The following ZFPM2 variants were observed in gnomAD, a reference collection of about 807,000 sequenced individuals.
The protein encoded by ZFPM2 is zinc finger protein, FOG family member 2.
ZFPM2 carries 20 observed loss-of-function variants against 98.6 expected under a neutral mutation model. That is an observed-to-expected ratio of 0.20 (90% CI 0.14 to 0.29). The LOEUF is 0.29. Among genes scored for constraint, ZFPM2 ranks in the 10% least tolerant of loss-of-function variants. ZFPM2 has a pLI of 1.00. For synonymous variants in ZFPM2, 518 were observed against 502.7 expected (o/e 1.03, Z -0.41); for missense variants, 1,310 against 1,388.6 (o/e 0.94, Z 0.90).
intron 3 of ZFPM2, among the ~76,000 whole-genome samples, chr8:105,540,735 C>T (rs1814558641): frequency 6.6e-6 from 1 of 152,038 alleles, no homozygotes; most frequent in African/African-American, 2.4e-5. Context: ...CAGCAGACTG[C>T]ATTGTCTCTC....
intron 5 of ZFPM2, chr8:105,784,779 T>C (rs1225159204): frequency 7.0e-6 from 1 of 143,492 alleles, no homozygotes; most frequent in African/African-American, 2.9e-5. Context: ...CCTGGTTCCA[T>C]TGCCCAAACA....
intron 2 of ZFPM2, among the ~76,000 whole-genome samples, chr8:105,426,618 T>G (rs1010651892): frequency 5.9e-5 from 9 of 152,080 alleles, no homozygotes; most frequent in Non-Finnish European, 1.2e-4. Flanking sequence ...CCATGCAAAA[T>G]GAGAAGTAAT....
intron 4 of ZFPM2, among the ~76,000 whole-genome samples, chr8:105,562,447 C>T (rs1815159977): frequency 6.6e-6 from 1 of 152,146 alleles, no homozygotes; most frequent in Admixed American, 6.6e-5. Context: ...TCACCACAAA[C>T]TTTGTGCCTT....
intron 3 of ZFPM2, among the ~76,000 whole-genome samples, chr8:105,455,073 C>T (rs1027102989): frequency 1.3e-5 from 2 of 152,122 alleles, no homozygotes; most frequent in African/African-American, 4.8e-5. Context: ...TGAGTGCTGA[C>T]ATGGTGTTCA....
chr8:105,705,388 T>C (rs1204242760), intron 5 of ZFPM2, among the ~76,000 whole-genome samples: 1 of 152,150 alleles, frequency 6.6e-6, no homozygotes, highest in African/African-American at 2.4e-5. Context: ...CAGGACCTTA[T>C]TTCTGTTGGG....
At chr8:105,393,450 A>G (rs954478486) in intron 1 of ZFPM2, among the ~76,000 whole-genome samples, 2 of 151,226 alleles carry the variant, frequency 1.3e-5, no homozygotes, top group African/African-American at 4.9e-5. Flanking sequence ...AGGTTTTGAG[A>G]TACCTAAAAA....
At chr8:105,622,795 A>C (rs567672744) in intron 4 of ZFPM2, among the ~76,000 whole-genome samples, 114 of 152,300 alleles carry the variant, frequency 7.5e-4, no homozygotes, top group Non-Finnish European at 1.4e-3. Context: ...GTCCTTCTGC[A>C]TCTGTTGATT....
At chr8:105,549,599 A>ATCTCTC (rs368339123) in intron 3 of ZFPM2, among the ~76,000 whole-genome samples, 10 of 77,824 alleles carry the variant, frequency 1.3e-4, no homozygotes, top group African/African-American at 4.9e-4. Context: ...TCCTTCCTCT[A>ATCTCTC]TCTCTCTCTC....
chr8:105,527,058 A>G (rs1814189657), intron 3 of ZFPM2, among the ~76,000 whole-genome samples: 1 of 152,156 alleles, frequency 6.6e-6, no homozygotes, highest in East Asian at 1.9e-4. Flanking sequence ...TGCAAATTGC[A>G]TAGAACAGTG....
chr8:105,635,041 C>T (rs1360468109), intron 5 of ZFPM2, among the ~76,000 whole-genome samples: 1 of 152,156 alleles, frequency 6.6e-6, no homozygotes, highest in African/African-American at 2.4e-5. Context: ...ACCTTCCTCA[C>T]GTGTGGTGTA....
intron 3 of ZFPM2, among the ~76,000 whole-genome samples, chr8:105,509,459 CA>C (rs1813770116): frequency 6.6e-6 from 1 of 152,088 alleles, no homozygotes; most frequent in South Asian, 2.1e-4. Flanking sequence ...GATATGGTGC[CA>C]GGGGGAATTG....
In ZFPM2 at chr8:105,561,423, C is replaced by T. The variant is rs1815133329; in HGVS notation, c.362C>T (p.Pro121Leu). 1 of 1,613,474 alleles carries T rather than the reference C, an allele frequency of 6.2e-7. No individual in the cohort carries two copies. Among genetic ancestry groups the T allele is most frequent in the East Asian group, 2.2e-5 (1 of 44,822 alleles). ...ERKIQSRQQLPVGTTWGPFPG... is the reference protein window; with the variant it reads ...ERKIQSRQQLLVGTTWGPFPG... Reference sequence around the variant, plus strand: ...AAAATTCAGAGTCGACAGCAACTTCCAGTGGGAACAACCTGGGGGCCGTTT... The same window carrying T: ...AAAATTCAGAGTCGACAGCAACTTCTAGTGGGAACAACCTGGGGGCCGTTT... The change falls in exon 4 of 8, where the codon CCA (proline) becomes CTA (leucine). Residue 121 changes from proline (P) to leucine (L), a missense_variant. Physicochemically the swap from Pro to Leu is moderately conservative, Grantham distance 98. Transcript: ENST00000407775.
chr8:105,700,235 A>G (rs949186844), intron 5 of ZFPM2, among the ~76,000 whole-genome samples: 5 of 152,180 alleles, frequency 3.3e-5, no homozygotes, highest in Non-Finnish European at 7.3e-5. Context: ...GTGGCTATGG[A>G]TTTTGAAGTT....
chr8:105,637,875 A>T (rs535233951), intron 5 of ZFPM2, among the ~76,000 whole-genome samples: 3 of 152,224 alleles, frequency 2.0e-5, no homozygotes, highest in South Asian at 2.1e-4. Flanking sequence ...CATTTTCGTA[A>T]TGCCTATATT....
intron 3 of ZFPM2, among the ~76,000 whole-genome samples, chr8:105,496,655 C>CT (rs910214349): frequency 3.1e-4 from 44 of 142,002 alleles, no homozygotes; most frequent in Non-Finnish European, 6.3e-4. Flanking sequence ...TGAAGTGACT[C>CT]TTTTTTTTGT....
At chr8:105,519,894 T>C (rs1450163) in intron 3 of ZFPM2, among the ~76,000 whole-genome samples, 72,424 of 151,772 alleles carry the variant, frequency 0.48, 19,923 homozygotes, top group African/African-American at 0.78. Context: ...ATTACTATAG[T>C]TATGTAGTAA....
intron 1 of ZFPM2, among the ~76,000 whole-genome samples, chr8:105,408,377 A>G (rs1306553469): frequency 6.6e-6 from 1 of 151,890 alleles, no homozygotes; most frequent in African/African-American, 2.4e-5. Context: ...TGGTGGTTTA[A>G]TGACAACATA....
intron 2 of ZFPM2, among the ~76,000 whole-genome samples, chr8:105,442,818 T>C (rs1812281035): frequency 6.6e-6 from 1 of 152,180 alleles, no homozygotes; most frequent in African/African-American, 2.4e-5. Context: ...TAACATCATG[T>C]TAAATGTCAT....
At chr8:105,793,132 T>C (rs913431564) in intron 6 of ZFPM2, among the ~76,000 whole-genome samples, 11 of 152,170 alleles carry the variant, frequency 7.2e-5, no homozygotes, top group African/African-American at 1.7e-4. Context: ...GTCATTATGA[T>C]GTTAGCTGGT....
Sources: gnomAD v4.1 joint callset for allele counts (sites outside exome capture counted in the v4.1 genomes callset) on GRCh38, gnomAD v4.1.1 for gene constraint, MANE v1.5 for transcripts, NCBI Gene and HGNC (gene_info 2026-07-23, HGNC 2026-07-21) for gene names.